Variants in BBS2 observed in about 807,000 individuals in gnomAD.
The protein encoded by BBS2 is BBSome complex member BBS2.
A neutral mutation model predicts 83.0 loss-of-function variants in BBS2; 62 were observed. The observed-to-expected ratio is 0.75, with a 90% CI of 0.61 to 0.92. The LOEUF (loss-of-function observed/expected upper bound fraction) is 0.92. BBS2 is among the 40% of genes least tolerant of loss of function. The probability of loss-of-function intolerance (pLI) is 0.00; values close to 1 mark genes in which losing one functional copy is unlikely to be tolerated. For synonymous variants in BBS2, 303 were observed against 326.1 expected, an observed-to-expected ratio of 0.93 and a Z score of 0.76; for missense variants, 784 against 901.0, an observed-to-expected ratio of 0.87 and a Z score of 1.66.
chr16:56,513,582 G>A (rs1202715213), intron 2 of BBS2, among the ~76,000 whole-genome samples: 1 of 152,128 alleles, frequency 6.6e-6, no homozygotes, highest in Non-Finnish European at 1.5e-5. Flanking sequence ...AGAAAAAGAA[G>A]GCAGTCACAA....
downstream of BBS2, among the ~76,000 whole-genome samples, chr16:56,481,830 G>T (rs1033341808): frequency 9.9e-5 from 15 of 152,172 alleles, no homozygotes; most frequent in African/African-American, 3.6e-4. Flanking sequence ...GTCTTTACTT[G>T]CTTGGGAAGT....
Position 56,498,535 on chromosome 16 carries a change from G to C in BBS2, c.1561C>G (p.Pro521Ala), listed in dbSNP as rs759729090. The change falls in exon 13 of 17, where the codon CCA becomes GCA. Residue 521 changes from proline to alanine, a missense_variant. Physicochemically the swap from Pro to Ala is conservative, Grantham distance 27. Transcript: ENST00000245157. Reference sequence around the variant, plus strand: ...GCATTCTGAATGTGAGTGTCTTCTGGTAACAGAAAGTTCTGACCGAGCCAT... The same window carrying C: ...GCATTCTGAATGTGAGTGTCTTCTGCTAACAGAAAGTTCTGACCGAGCCAT... ...VVWLGQNFLL[P>A]EDTHIQNAPF... The C allele has an allele frequency of 3.7e-6, 6 of 1,613,884 alleles. No individual in the cohort carries two copies. The highest frequency in any genetic ancestry group is 4.2e-6 in the Non-Finnish European group (5 of 1,179,980).
intron 9 of BBS2, 146 bp downstream of exon 9, chr16:56,502,171 A>C (rs1175708682): frequency 1.9e-6 from 2 of 1,074,712 alleles, no homozygotes; most frequent in Non-Finnish European, 2.9e-6. Context: ...TTCAAGACGA[A>C]AGCATATATC....
chr16:56,517,664 C>G (rs766779142), intron 1 of BBS2, among the ~76,000 whole-genome samples: 2 of 152,194 alleles, frequency 1.3e-5, no homozygotes, highest in African/African-American at 2.4e-5. Flanking sequence ...GTCACATTCT[C>G]CAATGCACCT....
intron 1 of BBS2, 134 bp downstream of exon 1, chr16:56,519,612 G>T: frequency 2.9e-6 from 2 of 694,954 alleles, no homozygotes; most frequent in Admixed American, 2.3e-5. Flanking sequence ...GGAGCCACAA[G>T]GTGCTCGCCG....
At chr16:56,473,180 C>A (rs138799895) in intron 17 of BBS2, among the ~76,000 whole-genome samples, 1 of 152,080 alleles carries the variant, frequency 6.6e-6, no homozygotes, top group Non-Finnish European at 1.5e-5. Flanking sequence ...TCCGCCCACC[C>A]TGGCCTCCCA....
chr16:56,501,101 G>C, intron 10 of BBS2, 76 bp from the exon 11 acceptor site: 1 of 1,519,782 alleles, frequency 6.6e-7, no homozygotes, highest in Non-Finnish European at 9.1e-7. Flanking sequence ...ACGAGGTCAG[G>C]AGGTCGAGAC....
chr16:56,477,298 T>C (rs1445545763), intron 17 of BBS2: 1 of 152,296 alleles, frequency 6.6e-6, no homozygotes, highest in African/African-American at 2.4e-5. Flanking sequence ...TGTTCCACCA[T>C]GACTCTCACA....
intron 4 of BBS2, 74 bp downstream of exon 4, chr16:56,510,785 C>A: frequency 6.6e-7 from 1 of 1,510,108 alleles, no homozygotes; most frequent in Non-Finnish European, 9.2e-7. Flanking sequence ...ACACTTCTGT[C>A]AACACTAATG....
downstream of BBS2, among the ~76,000 whole-genome samples, chr16:56,481,051 C>T (rs117178556): frequency 0.021 from 3,236 of 152,136 alleles, 45 homozygotes; most frequent in Non-Finnish European, 0.027. Context: ...ACTTGAGTTT[C>T]CAAATGAAAT....
intron 12 of BBS2, chr16:56,499,090 C>A: frequency 5.1e-6 from 1 of 197,820 alleles, no homozygotes; most frequent in Non-Finnish European, 1.0e-5. Context: ...CAGTGGCTTG[C>A]AACACAGGTT....
At chr16:56,484,006 ATTT>A (rs531219312), downstream of BBS2, among the ~76,000 whole-genome samples, 2,731 of 130,256 alleles carry the variant, frequency 0.021, 84 homozygotes, top group African/African-American at 0.065. Flanking sequence ...CAGCCCAAAT[ATTT>A]TTTTTTTTTT....
At chr16:56,497,567 T>C in intron 14 of BBS2, 176 bp downstream of exon 14, 3 of 798,360 alleles carry the variant, frequency 3.8e-6, no homozygotes, top group Non-Finnish European at 6.0e-6. Flanking sequence ...CACTTCCTTT[T>C]ATAAAATAAA....
At chr16:56,473,010 T>C (rs1272207193) in intron 17 of BBS2, among the ~76,000 whole-genome samples, 1 of 152,142 alleles carries the variant, frequency 6.6e-6, no homozygotes, top group African/African-American at 2.4e-5. Flanking sequence ...GGCTCACTGC[T>C]ACCTCCGTCT....
In BBS2 at chr16:56,519,740, G is replaced by A. The variant is rs574107668; in HGVS notation, c.117+6C>T. 1.2e-6 allele frequency: 2 copies of A among 1,609,854 alleles called. No homozygotes were observed. The highest frequency in any genetic ancestry group is 1.7e-5 in the Admixed American group (1 of 59,972). The stretch of plus-strand genomic sequence containing the variant: ...GCCCGGGCTCCCTGCGGGTGGGAGC[G>A]GTTACCTTGCCCGTTTGGGTGGCGG... On this transcript the variant is annotated splice_donor_region_variant and intron_variant, in intron 1 of 16. Coordinates refer to ENST00000245157, the MANE Select transcript of BBS2 (RefSeq NM_031885.5).
downstream of BBS2, among the ~76,000 whole-genome samples, chr16:56,480,035 T>A (rs143536115): frequency 7.2e-5 from 11 of 151,974 alleles, no homozygotes; most frequent in East Asian, 1.2e-3. Flanking sequence ...CTTCACTACT[T>A]CTTCTTTATA....
chr16:56,479,472 C>T (rs1373683567), downstream of BBS2, among the ~76,000 whole-genome samples: 1 of 151,978 alleles, frequency 6.6e-6, no homozygotes, highest in Non-Finnish European at 1.5e-5. Context: ...AACAAGAATC[C>T]GTCTCAAAAA....
At chr16:56,470,460 G>A in exon 18 of BBS2, 3 of 1,569,516 alleles carry the variant, frequency 1.9e-6, no homozygotes, top group South Asian at 1.2e-5. Context: ...TGGCTTTGAT[G>A]AACAACTTGA....
At chr16:56,471,641 G>A (rs543541170) in intron 17 of BBS2, among the ~76,000 whole-genome samples, 25 of 152,212 alleles carry the variant, frequency 1.6e-4, no homozygotes, top group Non-Finnish European at 2.8e-4. Flanking sequence ...GTGCAGTTAG[G>A]AGAGCAGAGA....
Sources: allele counts gnomAD v4.1 joint callset (sites outside exome capture counted in the v4.1 genomes callset), GRCh38; gene constraint gnomAD v4.1.1; transcripts MANE v1.5; gene names NCBI Gene and HGNC (gene_info 2026-07-23, HGNC 2026-07-21).